Variants in TSHZ3 observed in about 807,000 individuals in gnomAD.
TSHZ3 encodes teashirt zinc finger homeobox 3.
In TSHZ3, 10 loss-of-function variants were observed where a neutral mutation model predicts 64.5. The ratio of observed to expected loss-of-function variants is 0.16; its 90% CI spans 0.10 to 0.26. The LOEUF (loss-of-function observed/expected upper bound fraction) is 0.26. Ranked by LOEUF, TSHZ3 falls within the 10% of genes least tolerant of loss-of-function variation. The probability of loss-of-function intolerance (pLI) is 1.00; values close to 1 mark genes in which losing one functional copy is unlikely to be tolerated. For missense variants in TSHZ3, 1,242 were observed against 1,421.7 expected (o/e 0.87, Z 2.03); for synonymous variants, 608 against 593.1 (o/e 1.03, Z -0.36).
At position 31,283,510 on chromosome 19, in the gene TSHZ3, C is replaced by T. The variant is rs920535370; in HGVS notation, c.41-3758G>A. 5.3e-5 allele frequency among the ~76,000 whole-genome samples: 8 copies of T among 152,212 alleles called. 1 individual carries two copies. The highest frequency in any genetic ancestry group is 7.2e-5 in the African/African-American group (3 of 41,448). On this transcript the variant is annotated intron_variant, in intron 1 of 1. Coordinates refer to ENST00000240587, the MANE Select transcript of TSHZ3 (RefSeq NM_020856.4). ...AGGGATGAAAGGCACTCCACAAATA[C>T]GCATCAAGCTGCCACAGGCACCAGG...
At chr19:31,267,876 G>C (rs1035852388) in intron 1 of TSHZ3, among the ~76,000 whole-genome samples, 2 of 152,154 alleles carry the variant, frequency 1.3e-5, no homozygotes, top group African/African-American at 4.8e-5. Flanking sequence ...GCAGAGTGAA[G>C]GTTGGGGTCA....
At chr19:31,163,227 G>T (rs1398936369) in intron 5 of TSHZ3, among the ~76,000 whole-genome samples, 1 of 152,168 alleles carries the variant, frequency 6.6e-6, no homozygotes, top group Non-Finnish European at 1.5e-5. Context: ...GGGTAGATGG[G>T]TGGGAGGGTA....
intron 1 of TSHZ3, among the ~76,000 whole-genome samples, chr19:31,329,401 AC>A (rs1917013057): frequency 6.6e-6 from 1 of 152,232 alleles, no homozygotes; most frequent in Non-Finnish European, 1.5e-5. Context: ...CATCCAGGCC[AC>A]TGCAAGAACT....
At position 31,312,632 on chromosome 19, in the gene TSHZ3, C is replaced by T. The variant is rs536253843; in HGVS notation, c.41-32880G>A. Among the ~76,000 whole-genome samples the T allele has an allele frequency of 4.9e-4, 75 of 152,268 alleles. 1 individual carries two copies. Among genetic ancestry groups the T allele is most frequent in the African/African-American group, 1.8e-3 (74 of 41,548 alleles). On this transcript the variant is annotated intron_variant, in intron 1 of 1. Transcript: ENST00000240587. ...TGGGAAGTTAATCGAAGTCAGTGTT[C>T]GCTGAAATCCAGAATCTTTCAGAGT...
rs114586199 is a variant in TSHZ3, at chr19:31,206,156, G to A, written n.687-1078C>T. On this transcript the variant is annotated intron_variant and non_coding_transcript_variant, in intron 4 of 6. Transcript: ENST00000651361. ...AAATGAATGGATGGATGTGTGAATGGATAAATGGATAGATCGATGAGTGGA... is the reference window on the plus strand; with the variant it reads ...AAATGAATGGATGGATGTGTGAATGAATAAATGGATAGATCGATGAGTGGA... 3.7e-3 allele frequency among the ~76,000 whole-genome samples: 560 copies of A among 152,114 alleles called. 4 individuals carry two copies. The highest frequency in any genetic ancestry group is 0.013 in the African/African-American group (525 of 41,508).
At chr19:31,319,192 C>T (rs1360659679) in intron 1 of TSHZ3, among the ~76,000 whole-genome samples, 1 of 152,186 alleles carries the variant, frequency 6.6e-6, no homozygotes, top group African/African-American at 2.4e-5. Context: ...CACCTCACAA[C>T]TTAGCAACAC....
chr19:31,346,992 G>A (rs912045270), intron 1 of TSHZ3, among the ~76,000 whole-genome samples: 1 of 152,098 alleles, frequency 6.6e-6, no homozygotes, highest in African/African-American at 2.4e-5. Context: ...CATGCTGCCA[G>A]CTTCTGATTG....
chr19:31,261,842 T>A (rs1432273435), intron 1 of TSHZ3, among the ~76,000 whole-genome samples: 1 of 152,154 alleles, frequency 6.6e-6, no homozygotes, highest in African/African-American at 2.4e-5. Flanking sequence ...ATAAATTTCA[T>A]AGAGAGATGT....
In TSHZ3 at chr19:31,349,258, C is replaced by T. The variant is rs1322777479; in HGVS notation, c.-39G>A. On this transcript the variant is annotated 5_prime_UTR_variant, in exon 1 of 2. Coordinates refer to ENST00000240587, the MANE Select transcript of TSHZ3 (RefSeq NM_020856.4). ...CGACTGCCACTGCCGCCGCCGCCGC[C>T]GCTGCCGGGCTGAGGACAGGGAGGG... 33 of 1,518,278 alleles carry T rather than the reference C, an allele frequency of 2.2e-5. No homozygotes were observed. Among genetic ancestry groups the T allele is most frequent in the Admixed American group, 4.1e-5 (2 of 49,140 alleles). 94.1% of individuals were successfully genotyped at this position (1,518,278 alleles called of 1,614,324 possible).
chr19:31,331,359 A>AT lies in TSHZ3; in HGVS notation c.40+17820dup, dbSNP rs370549252. ...CATAGCCTGGAATAGCTTATTTATC[A>AT]TTTTTTTTGTCTTTGTCACTGATAT... On this transcript the variant is annotated intron_variant, in intron 1 of 1. Transcript: ENST00000240587. Among the ~76,000 whole-genome samples, 239 of 151,870 alleles carry AT rather than the reference A, an allele frequency of 1.6e-3. 1 individual carries two copies. The highest frequency in any genetic ancestry group is 5.2e-3 in the African/African-American group (217 of 41,400).
At chr19:31,267,077 G>A (rs928603726) in intron 1 of TSHZ3, among the ~76,000 whole-genome samples, 5 of 152,174 alleles carry the variant, frequency 3.3e-5, no homozygotes, top group Admixed American at 6.5e-5. Flanking sequence ...TCATTGACTT[G>A]GCATGATTGT....
chr19:31,225,494 A>G (rs1975446978), intron 4 of TSHZ3, among the ~76,000 whole-genome samples: 1 of 152,142 alleles, frequency 6.6e-6, no homozygotes. Context: ...ATGGCCTCAA[A>G]CCCCAATCTT....
At chr19:31,179,765 TG>T (rs1324020440) in intron 5 of TSHZ3, among the ~76,000 whole-genome samples, 5 of 147,946 alleles carry the variant, frequency 3.4e-5, no homozygotes, top group Non-Finnish European at 7.5e-5. Flanking sequence ...GTGGTGATGG[TG>T]GGGGTGATGA....
intron 1 of TSHZ3, among the ~76,000 whole-genome samples, chr19:31,325,872 A>G (rs2145174158): frequency 6.6e-6 from 1 of 152,342 alleles, no homozygotes; most frequent in South Asian, 2.1e-4. Flanking sequence ...ATATGGTAGG[A>G]TATAGCAGCT....
intron 1 of TSHZ3, among the ~76,000 whole-genome samples, chr19:31,290,380 A>G (rs1358575269): frequency 6.6e-6 from 1 of 152,058 alleles, no homozygotes; most frequent in Non-Finnish European, 1.5e-5. Flanking sequence ...TTTTTGTGCA[A>G]ACAGAGAGAG....
intron 5 of TSHZ3, among the ~76,000 whole-genome samples, chr19:31,191,708 A>T (rs1568342658): frequency 6.6e-6 from 1 of 152,008 alleles, no homozygotes; most frequent in South Asian, 2.1e-4. Context: ...AGTTAAAAAA[A>T]ATTAGCCGGG....
rs147581401 is a variant in TSHZ3, at chr19:31,313,762, C to T, written c.41-34010G>A. Among the ~76,000 whole-genome samples, 881 of 152,338 alleles carry T rather than the reference C, an allele frequency of 5.8e-3. 7 individuals are homozygous for T. The highest frequency in any genetic ancestry group is 0.02 in the African/African-American group (818 of 41,584). On this transcript the variant is annotated intron_variant, in intron 1 of 1. Coordinates refer to ENST00000240587, the MANE Select transcript of TSHZ3 (RefSeq NM_020856.4). The stretch of plus-strand genomic sequence containing the variant: ...GATCCTGGGACTTGAAGGATCCCTG[C>T]TCCTTGCCCTAGAAAGGCCCCATCG...
chr19:31,208,023 A>T (rs1216863066), intron 4 of TSHZ3, among the ~76,000 whole-genome samples: 1 of 151,966 alleles, frequency 6.6e-6, no homozygotes, highest in African/African-American at 2.4e-5. Flanking sequence ...GATTATAGAA[A>T]CCTCTGTCCT....
chr19:31,235,914 C>T (rs1975608084), intron 3 of TSHZ3, among the ~76,000 whole-genome samples: 1 of 151,920 alleles, frequency 6.6e-6, no homozygotes, highest in South Asian at 2.1e-4. Context: ...AGGGGTTTCA[C>T]CATGTTGGCC....
Sources: allele counts gnomAD v4.1 joint callset (sites outside exome capture counted in the v4.1 genomes callset), GRCh38; gene constraint gnomAD v4.1.1; transcripts MANE v1.5; gene names NCBI Gene and HGNC (gene_info 2026-07-23, HGNC 2026-07-21).